Variants in SEPTIN9 observed in about 807,000 individuals in gnomAD.
The protein encoded by SEPTIN9 is septin 9.
A neutral mutation model predicts 56.6 loss-of-function variants in SEPTIN9; 13 were observed. That is an observed-to-expected ratio of 0.23 (90% CI 0.15 to 0.37). SEPTIN9 has a LOEUF of 0.37. Among genes scored for constraint, SEPTIN9 ranks in the 10% least tolerant of loss-of-function variants. The pLI is 1.00. For synonymous variants in SEPTIN9, 332 were observed against 334.1 expected, an observed-to-expected ratio of 0.99 and a Z score of 0.07; for missense variants, 650 against 823.1, an observed-to-expected ratio of 0.79 and a Z score of 2.57.
chr17:77,364,312 G>A (rs1226014630), intron 2 of SEPTIN9, among the ~76,000 whole-genome samples: 1 of 152,238 alleles, frequency 6.6e-6, no homozygotes, highest in East Asian at 1.9e-4. Flanking sequence ...AGGGCACGGG[G>A]TGCATGCATT....
At chr17:77,408,415 T>G (rs1424370599) in intron 3 of SEPTIN9, among the ~76,000 whole-genome samples, 1 of 152,018 alleles carries the variant, frequency 6.6e-6, no homozygotes, top group Non-Finnish European at 1.5e-5. Context: ...CTTTGTCATG[T>G]GGGTGGAGCG....
chr17:77,323,525 CCTGGAGGGGGCTTGGCCACGCTGTCG>C lies in SEPTIN9; in HGVS notation c.76+16334_76+16359del, dbSNP rs1401227501. Among the ~76,000 whole-genome samples, 5 of 152,156 alleles carry C rather than the reference CCTGGAGGGGGCTTGGCCACGCTGTCG, an allele frequency of 3.3e-5. No homozygotes were observed. Among genetic ancestry groups the C allele is most frequent in the Admixed American group, 2.0e-4 (3 of 15,278 alleles). ...ATGGTCATGAATGCAGGCCCGGGGT[CCTGGAGGGGGCTTGGCCACGCTGTCG>C]CTGGACGTCTGTCCCCACCAGGGTC... On this transcript the variant is annotated intron_variant, in intron 2 of 11. Transcript: ENST00000427177. This position sits in a 1 kb window ranked among gnomAD's most constrained non-coding sequence, Gnocchi z 6.8.
intron 1 of SEPTIN9, among the ~76,000 whole-genome samples, chr17:77,284,915 AC>A (rs1339774914): frequency 6.6e-6 from 1 of 152,186 alleles, no homozygotes; most frequent in East Asian, 1.9e-4. Flanking sequence ...GGCATGAGCC[AC>A]CACGCCCAGC....
intron 2 of SEPTIN9, among the ~76,000 whole-genome samples, chr17:77,307,726 A>G (rs2032326638): frequency 6.6e-6 from 1 of 152,156 alleles, no homozygotes; most frequent in African/African-American, 2.4e-5. Flanking sequence ...GAAATTTTCC[A>G]CACTAACCAG....
At chr17:77,285,613 GGT>G (rs2031241120) in intron 1 of SEPTIN9, among the ~76,000 whole-genome samples, 1 of 151,568 alleles carries the variant, frequency 6.6e-6, no homozygotes, top group African/African-American at 2.4e-5. Context: ...TGGCCAGGCT[GGT>G]CTCGAACTCC....
At chr17:77,321,410 T>C (rs867472237) in intron 2 of SEPTIN9, among the ~76,000 whole-genome samples, 1 of 151,384 alleles carries the variant, frequency 6.6e-6, no homozygotes, top group Non-Finnish European at 1.5e-5. Flanking sequence ...TTTTTTTTTT[T>C]TTTCTTTGAG....
At chr17:77,311,220 AC>A (rs141106062) in intron 2 of SEPTIN9, among the ~76,000 whole-genome samples, 25,652 of 117,088 alleles carry the variant, frequency 0.22, 3,411 homozygotes, top group African/African-American at 0.48. Flanking sequence ...GCAAGGAAGG[AC>A]CCCCCCCCCA....
Position 77,490,745 on chromosome 17 carries a change from C to T in SEPTIN9, c.1266C>T (p.Leu422=). 6.4e-7 allele frequency: 1 copy of T among 1,568,056 alleles called. No individual in the cohort carries two copies. Among genetic ancestry groups the T allele is most frequent in the Non-Finnish European group, 8.7e-7 (1 of 1,155,838 alleles). ...LYFIPATGHS[L]RPLDIEFMKR... ...CACGCACATCCCTCTGCTTCAGCCT[C>T]AGGCCCCTGGACATCGAGTTTATGA... Residue 422 remains leucine, a synonymous_variant, in exon 8 of 12, where the codon CTC becomes CTT. Coordinates refer to ENST00000427177, the MANE Select transcript of SEPTIN9 (RefSeq NM_001113491.2).
intron 2 of SEPTIN9, among the ~76,000 whole-genome samples, chr17:77,333,004 T>C (rs73371436): frequency 0.039 from 5,905 of 152,220 alleles, 330 homozygotes; most frequent in East Asian, 0.28. Context: ...AGGTATAGGG[T>C]AGGTATACAT....
In SEPTIN9 at chr17:77,470,056, C is replaced by T. The variant is rs2038918503; in HGVS notation, c.722-12088C>T. Among the ~76,000 whole-genome samples the T allele has an allele frequency of 2.0e-5, 3 of 151,600 alleles. No individual in the cohort carries two copies. In the South Asian group the frequency reaches 6.3e-4, roughly 32 times the overall value. On this transcript the variant is annotated intron_variant, in intron 3 of 11. Transcript: ENST00000427177. ...CCACTCATTCACTCATTCACTCATC[C>T]ACCCATCCACTCATTCACCCATCTA...
intron 2 of SEPTIN9, among the ~76,000 whole-genome samples, chr17:77,312,420 A>C (rs2032537444): frequency 6.6e-6 from 1 of 152,066 alleles, no homozygotes; most frequent in Non-Finnish European, 1.5e-5. Context: ...CCTGGCTCTG[A>C]GTGCTCGGGC....
chr17:77,307,408 G>A (rs2032314119), intron 2 of SEPTIN9, among the ~76,000 whole-genome samples: 1 of 152,210 alleles, frequency 6.6e-6, no homozygotes, highest in Admixed American at 6.5e-5. Flanking sequence ...GATGATCCTT[G>A]TGGGGGCAGG....
Position 77,400,730 on chromosome 17 carries a change from A to T in SEPTIN9, c.77-1329A>T, listed in dbSNP as rs931518502. ...GACTCTGTGGCCTGGTGAGGCAGGG[A>T]GCGGCTGGGGAGACACTGTGGGTCT... On this transcript the variant is annotated intron_variant, in intron 2 of 11. Coordinates refer to ENST00000427177, the MANE Select transcript of SEPTIN9 (RefSeq NM_001113491.2). This position sits in a 1 kb window ranked among gnomAD's most constrained non-coding sequence, Gnocchi z 4.1. 1 of 152,190 alleles carries T rather than the reference A, an allele frequency of 6.6e-6. No individual in the cohort carries two copies. Among genetic ancestry groups the T allele is most frequent in the African/African-American group, 2.4e-5 (1 of 41,304 alleles). 9.4% of individuals were successfully genotyped at this position (152,190 alleles called of 1,614,324 possible).
At position 77,498,704 on chromosome 17, in the gene SEPTIN9, G is replaced by GT. The variant is rs748156418; in HGVS notation, c.*47dup. 18 of 1,134,066 alleles carry GT rather than the reference G, an allele frequency of 1.6e-5. No homozygotes were observed. Among genetic ancestry groups the GT allele is most frequent in the Admixed American group, 1.1e-4 (4 of 36,738 alleles). The allele number at this position is 1,134,066 out of a possible 1,614,324, so 70.3% of individuals were successfully genotyped here. On this transcript the variant is annotated 3_prime_UTR_variant, in exon 12 of 12. Transcript: ENST00000427177. ...GGGATCCTGCCCCCAAGTCATTTCC[G>GT]TCCCCCCCCAGGCCCTCCCACCACC...
chr17:77,372,286 G>A (rs1236855050), intron 2 of SEPTIN9, among the ~76,000 whole-genome samples: 1 of 152,172 alleles, frequency 6.6e-6, no homozygotes, highest in Non-Finnish European at 1.5e-5. Flanking sequence ...TCTTGTAGGT[G>A]ACAGACCTGG....
rs1478711695 is a variant in SEPTIN9, at chr17:77,367,684, C to T, written c.77-34375C>T. Among the ~76,000 whole-genome samples the T allele has an allele frequency of 4.6e-5, 7 of 152,090 alleles. No homozygotes were observed. The East Asian group carries it at 1.2e-3, about 25-fold the overall frequency. On this transcript the variant is annotated intron_variant, in intron 2 of 11. Transcript: ENST00000427177. This position sits in a 1 kb window ranked among gnomAD's most constrained non-coding sequence, Gnocchi z 4.5. ...AACAAAAATTAGCCGGGCATGGTAG[C>T]GGGTGCCTGTAATCCCAGCTACTCG...
At chr17:77,414,936 C>T (rs999057182) in intron 3 of SEPTIN9, among the ~76,000 whole-genome samples, 15 of 152,124 alleles carry the variant, frequency 9.9e-5, no homozygotes, top group African/African-American at 3.6e-4. Context: ...CTGGCTTCTC[C>T]ACTTGGTGTC....
chr17:77,307,231 C>T, intron 2 of SEPTIN9, 34 bp downstream of exon 2: 1 of 1,584,420 alleles, frequency 6.3e-7, no homozygotes, highest in Non-Finnish European at 8.7e-7. Flanking sequence ...CCCCACCCAG[C>T]TCATGGGTGT....
At chr17:77,390,665 A>C (rs960457006) in intron 2 of SEPTIN9, among the ~76,000 whole-genome samples, 3 of 151,886 alleles carry the variant, frequency 2.0e-5, no homozygotes, top group Admixed American at 6.6e-5. Flanking sequence ...GTTAGCCAGG[A>C]TGGTCTCGAT....
Sources: allele counts gnomAD v4.1 joint callset (sites outside exome capture counted in the v4.1 genomes callset), GRCh38; gene constraint gnomAD v4.1.1; non-coding constraint Gnocchi (gnomAD v3.1); transcripts MANE v1.5; gene names NCBI Gene and HGNC (gene_info 2026-07-23, HGNC 2026-07-21).